DSCAM: variants seen among roughly 807,000 people sequenced by gnomAD.
DSCAM encodes DS cell adhesion molecule.
A neutral mutation model predicts 217.7 loss-of-function variants in DSCAM; 47 were observed. The observed-to-expected ratio is 0.22, with a 90% CI of 0.17 to 0.28. DSCAM has a LOEUF of 0.28. Ranked by LOEUF, DSCAM falls within the 10% of genes least tolerant of loss-of-function variation. The pLI is 1.00. For missense variants in DSCAM, 2,080 were observed against 2,618.3 expected (o/e 0.79, Z 4.49); for synonymous variants, 1,056 against 1,015.3 (o/e 1.04, Z -0.76).
intron 3 of DSCAM, among the ~76,000 whole-genome samples, chr21:40,502,684 T>C (rs977844475): frequency 6.6e-5 from 10 of 152,304 alleles, no homozygotes; most frequent in African/African-American, 2.4e-4. Flanking sequence ...AGGACTCTTG[T>C]CATGACATTG....
At chr21:40,052,699 C>T (rs1259006980) in intron 29 of DSCAM, among the ~76,000 whole-genome samples, 1 of 152,160 alleles carries the variant, frequency 6.6e-6, no homozygotes, top group African/African-American at 2.4e-5. Context: ...CCTTTTCTTC[C>T]CACCTCCTGT....
intron 1 of DSCAM, among the ~76,000 whole-genome samples, chr21:40,741,558 CAG>C (rs1345905802): frequency 6.6e-6 from 1 of 151,610 alleles, no homozygotes; most frequent in East Asian, 2.0e-4. Flanking sequence ...CTCAGAGTGA[CAG>C]AGTAAGAAAA....
intron 1 of DSCAM, among the ~76,000 whole-genome samples, chr21:40,840,022 AT>A (rs1026754704): frequency 6.6e-6 from 1 of 152,204 alleles, no homozygotes; most frequent in African/African-American, 2.4e-5. Flanking sequence ...CAGTTGCATG[AT>A]TTTTAAAAAA....
chr21:40,464,340 A>C (rs183844244), intron 3 of DSCAM, among the ~76,000 whole-genome samples: 174 of 152,348 alleles, frequency 1.1e-3, no homozygotes, highest in African/African-American at 4.0e-3. Context: ...CAAGATAAAT[A>C]AACTAGGTAG....
intron 11 of DSCAM, among the ~76,000 whole-genome samples, chr21:40,208,106 T>C (rs2091145364): frequency 6.6e-6 from 1 of 152,154 alleles, no homozygotes; most frequent in Non-Finnish European, 1.5e-5. Context: ...ATGGAATCCA[T>C]GGAGTAATAG....
intron 8 of DSCAM, among the ~76,000 whole-genome samples, chr21:40,313,143 T>A (rs7277712): frequency 0.044 from 6,532 of 146,858 alleles, 182 homozygotes; most frequent in African/African-American, 0.071. Context: ...AAAAGTAAAA[T>A]AAATATTCCA....
intron 18 of DSCAM, among the ~76,000 whole-genome samples, chr21:40,142,200 T>C (rs956999540): frequency 2.6e-5 from 4 of 152,124 alleles, no homozygotes; most frequent in African/African-American, 9.7e-5. Context: ...ATTTGGGAAG[T>C]AGGAAGAGGC....
chr21:40,729,964 A>G (rs955078925), intron 1 of DSCAM, among the ~76,000 whole-genome samples: 5 of 152,192 alleles, frequency 3.3e-5, no homozygotes, highest in African/African-American at 2.4e-5. Flanking sequence ...CTGAAAAGAG[A>G]AGAATCACAT....
At chr21:40,560,078 C>A (rs2076708222) in intron 3 of DSCAM, among the ~76,000 whole-genome samples, 1 of 152,174 alleles carries the variant, frequency 6.6e-6, no homozygotes, top group African/African-American at 2.4e-5. Context: ...TAGGCTTGAG[C>A]CACCATGCGT....
intron 3 of DSCAM, among the ~76,000 whole-genome samples, chr21:40,396,396 A>G (rs1782335729): frequency 6.6e-6 from 1 of 152,146 alleles, no homozygotes; most frequent in African/African-American, 2.4e-5. Flanking sequence ...GCTCGTTAAT[A>G]TCTACTGTAA....
chr21:40,452,277 G>A (rs774976427), intron 3 of DSCAM, among the ~76,000 whole-genome samples: 3 of 116,482 alleles, frequency 2.6e-5, no homozygotes, highest in Non-Finnish European at 5.3e-5. Flanking sequence ...CAGGTATCCT[G>A]GAGGTATCCT....
intron 27 of DSCAM, among the ~76,000 whole-genome samples, chr21:40,073,095 G>A (rs1023967388): frequency 6.6e-6 from 1 of 152,214 alleles, no homozygotes; most frequent in African/African-American, 2.4e-5. Flanking sequence ...GCCTCACTCA[G>A]TAAGAGCCCA....
At chr21:40,298,940 TA>T (rs1321994740) in intron 9 of DSCAM, among the ~76,000 whole-genome samples, 2 of 152,108 alleles carry the variant, frequency 1.3e-5, no homozygotes, top group African/African-American at 4.8e-5. Context: ...ACGGTAAGTA[TA>T]AGGTAGTTAC....
intron 3 of DSCAM, among the ~76,000 whole-genome samples, chr21:40,438,990 A>G (rs904751616): frequency 1.2e-4 from 19 of 152,180 alleles, no homozygotes; most frequent in African/African-American, 4.6e-4. Flanking sequence ...CAGCAGATGA[A>G]AGTGAGGTAT....
chr21:40,643,147 T>C (rs1601816770), intron 3 of DSCAM, among the ~76,000 whole-genome samples: 1 of 152,194 alleles, frequency 6.6e-6, no homozygotes, highest in African/African-American at 2.4e-5. Flanking sequence ...AGCTCAGATA[T>C]GTAGGAATAA....
intron 1 of DSCAM, among the ~76,000 whole-genome samples, chr21:40,712,027 A>G (rs960198865): frequency 1.3e-5 from 2 of 152,244 alleles, no homozygotes; most frequent in African/African-American, 4.8e-5. Flanking sequence ...GAAAGTGCCA[A>G]CTAACATCCC....
intron 30 of DSCAM, among the ~76,000 whole-genome samples, chr21:40,048,533 G>T (rs894879111): frequency 2.6e-5 from 4 of 152,192 alleles, no homozygotes; most frequent in Admixed American, 2.6e-4. Flanking sequence ...ATAAGAATCT[G>T]TTGCAACCCT....
chr21:40,623,917 T>A (rs533657420), intron 3 of DSCAM, among the ~76,000 whole-genome samples: 1 of 152,218 alleles, frequency 6.6e-6, no homozygotes, highest in Non-Finnish European at 1.5e-5. Flanking sequence ...ATTGATTTTA[T>A]AGCCCAAGGG....
intron 30 of DSCAM, among the ~76,000 whole-genome samples, chr21:40,046,640 A>G (rs989221553): frequency 1.3e-5 from 2 of 152,186 alleles, no homozygotes; most frequent in African/African-American, 4.8e-5. Flanking sequence ...AATGCTAATG[A>G]GTCTTTTCCA....
Sources: allele counts gnomAD v4.1 joint callset (sites outside exome capture counted in the v4.1 genomes callset), GRCh38; gene constraint gnomAD v4.1.1; transcripts MANE v1.5; gene names NCBI Gene and HGNC (gene_info 2026-07-23, HGNC 2026-07-21).